PCYOX1L: variants seen among roughly 807,000 people sequenced by gnomAD.
PCYOX1L encodes the protein prenylcysteine oxidase 1-like.
PCYOX1L carries 40 observed loss-of-function variants against 44.1 expected under a neutral mutation model. The observed-to-expected ratio is 0.91, with a 90% CI of 0.70 to 1.18. The LOEUF is 1.18. Ranked by LOEUF, PCYOX1L falls within the 50% of genes most tolerant of loss-of-function variation. PCYOX1L has a pLI of 0.00. For synonymous variants in PCYOX1L, 266 were observed against 282.8 expected (o/e 0.94, Z 0.60); for missense variants, 605 against 653.3 (o/e 0.93, Z 0.81).
rs1218395908 is a variant in PCYOX1L at position 149,365,957 on chromosome 5, G to A, written c.486G>A (p.Gln162=). ...TGTCTTCTAGGATCTATAAGTACCA[G>A]GCCCACGGCTATGCCTTCTCGGGTG... ...MEKFMRIYKY[Q]AHGYAFSGVE... Residue 162 remains glutamine (Q), a synonymous_variant, in exon 4 of 6, where the codon CAG becomes CAA. Transcript: ENST00000274569. 1 of 1,614,090 alleles carries A rather than the reference G, an allele frequency of 6.2e-7. No homozygotes were observed. Among genetic ancestry groups the A allele is most frequent in the Non-Finnish European group, 8.5e-7 (1 of 1,180,042 alleles).
intron 2 of PCYOX1L, chr5:149,363,521 G>T: frequency 4.7e-6 from 1 of 214,366 alleles, no homozygotes. Context: ...AGTCAGAATG[G>T]GGAAGTCTTT....
At chr5:149,362,411 T>C (rs1758032657) in intron 1 of PCYOX1L, 1 of 550,628 alleles carries the variant, frequency 1.8e-6, no homozygotes, top group Admixed American at 3.1e-5. Context: ...AATACCTTTT[T>C]CTTTATGAAA....
At chr5:149,363,766 C>G in intron 2 of PCYOX1L, 1 of 442,100 alleles carries the variant, frequency 2.3e-6, no homozygotes, top group African/African-American at 2.0e-5. Context: ...CTGTCACCCC[C>G]TGGACATTCT....
At chr5:149,363,639 G>A in intron 2 of PCYOX1L, 1 of 240,768 alleles carries the variant, frequency 4.2e-6, no homozygotes, top group South Asian at 6.0e-5. Flanking sequence ...AGCTCTGTCT[G>A]TGTTTAGGAG....
At chr5:149,363,012 A>C (rs778943969) in intron 2 of PCYOX1L, 169 bp downstream of exon 2, 12 of 807,462 alleles carry the variant, frequency 1.5e-5, no homozygotes, top group Non-Finnish European at 2.5e-5. Flanking sequence ...GCCTGAGGTT[A>C]CACAGTGAGT....
intron 1 of PCYOX1L, among the ~76,000 whole-genome samples, chr5:149,359,197 G>C (rs1757939087): frequency 6.6e-6 from 1 of 152,146 alleles, no homozygotes; most frequent in Non-Finnish European, 1.5e-5. Context: ...TATTCCGCTA[G>C]GCCACTCTCC....
chr5:149,359,420 G>A (rs1331240823), intron 1 of PCYOX1L, among the ~76,000 whole-genome samples: 1 of 152,228 alleles, frequency 6.6e-6, no homozygotes, highest in East Asian at 1.9e-4. Flanking sequence ...AGCCAGAGAA[G>A]CCCTCATGGA....
intron 2 of PCYOX1L, 82 bp downstream of exon 2, chr5:149,362,925 C>T: frequency 6.9e-7 from 1 of 1,453,386 alleles, no homozygotes. Flanking sequence ...CTTCCCAGAC[C>T]ATCAAGGCCA....
In PCYOX1L at chr5:149,367,517, G is replaced by T; in HGVS notation, c.823+17G>T. Reference sequence around the variant, plus strand: ...ACAGCACAGGTGAGTAGACAGGGCGGGAGTGGGCAGGCATGCCATTCCCAG... The same window carrying T: ...ACAGCACAGGTGAGTAGACAGGGCGTGAGTGGGCAGGCATGCCATTCCCAG... On this transcript the variant is annotated intron_variant, in intron 5 of 5. Coordinates refer to ENST00000274569, the MANE Select transcript of PCYOX1L (RefSeq NM_024028.4). 1 of 1,610,428 alleles carries T rather than the reference G, an allele frequency of 6.2e-7. No homozygotes were observed.
chr5:149,367,872 T>A (rs1334365618), intron 5 of PCYOX1L, 121 bp from the exon 6 acceptor site: 1 of 1,098,642 alleles, frequency 9.1e-7, no homozygotes, highest in Non-Finnish European at 1.3e-6. Flanking sequence ...ACCCACCATT[T>A]AGACAGCCCT....
chr5:149,361,008 A>G (rs1246139801), intron 1 of PCYOX1L, among the ~76,000 whole-genome samples: 1 of 152,168 alleles, frequency 6.6e-6, no homozygotes, highest in Non-Finnish European at 1.5e-5. Flanking sequence ...GTCTGATGAG[A>G]AGAGAGTGGT....
Position 149,362,823 on chromosome 5 carries a change from A to T in PCYOX1L, c.275A>T (p.Gln92Leu), listed in dbSNP as rs1411028105. ...TTCCACTCCCTGAGCCTGCACATGCAGGACTTCGTCAAGCTGCTGGGTGAG... is the reference window on the plus strand; with the variant it reads ...TTCCACTCCCTGAGCCTGCACATGCTGGACTTCGTCAAGCTGCTGGGTGAG... The part of the protein sequence containing the change: ...ASFHSLSLHM[Q>L]DFVKLLGLRH... Residue 92 changes from glutamine (Q) to leucine (L), a missense_variant, in exon 2 of 6, where the codon CAG becomes CTG. Gln to Leu is a moderately radical substitution (Grantham distance 113). Transcript: ENST00000274569. The T allele has an allele frequency of 3.7e-6, 6 of 1,614,058 alleles. No individual in the cohort carries two copies. Among genetic ancestry groups the T allele is most frequent in the East Asian group, 2.2e-5 (1 of 44,892 alleles).
At chr5:149,364,299 G>A (rs1202257129) in intron 3 of PCYOX1L, 89 bp downstream of exon 3, 6 of 1,496,652 alleles carry the variant, frequency 4.0e-6, no homozygotes, top group Non-Finnish European at 5.4e-6. Context: ...TTGTGAAAAA[G>A]GAAAAGGTCC....
At chr5:149,364,889 G>C (rs999331095) in intron 3 of PCYOX1L, 4 of 152,422 alleles carry the variant, frequency 2.6e-5, no homozygotes, top group African/African-American at 4.8e-5. Flanking sequence ...CAAGTGGTCT[G>C]TTCCCTCCCT....
Position 149,368,641 on chromosome 5 carries a change from A to G in PCYOX1L, c.1472A>G (p.Lys491Arg), listed in dbSNP as rs1162496013. ...IDQKDLMHKVKTEL is the reference protein window; with the variant it reads ...IDQKDLMHKVRTEL Reference sequence around the variant, plus strand: ...CAAAAAGATTTGATGCACAAGGTCAAGACTGAACTGTGAGGGCTCTAGGGA... The same window carrying G: ...CAAAAAGATTTGATGCACAAGGTCAGGACTGAACTGTGAGGGCTCTAGGGA... Residue 491 changes from lysine (K) to arginine (R), a missense_variant, in exon 6 of 6, where the codon AAG becomes AGG. By Grantham distance (26) the Lys-to-Arg change is conservative. Coordinates refer to ENST00000274569, the MANE Select transcript of PCYOX1L (RefSeq NM_024028.4). 1.9e-5 allele frequency: 29 copies of G among 1,515,576 alleles called. No homozygotes were observed. Among genetic ancestry groups the G allele is most frequent in the Non-Finnish European group, 2.5e-5 (28 of 1,138,948 alleles). The allele number at this position is 1,515,576 out of a possible 1,614,324, so 93.9% of individuals were successfully genotyped here. A position where few individuals can be genotyped will look rare whatever the true frequency, so the allele number is the denominator to read the frequency against.
At chr5:149,364,455 A>C in intron 3 of PCYOX1L, 1 of 401,396 alleles carries the variant, frequency 2.5e-6, no homozygotes, top group Non-Finnish European at 4.5e-6. Context: ...GATACTAATA[A>C]AAGCATGGGT....
intron 3 of PCYOX1L, 62 bp from the exon 4 acceptor site, chr5:149,365,878 CAG>C: frequency 6.5e-7 from 1 of 1,536,254 alleles, no homozygotes; most frequent in South Asian, 1.1e-5. Flanking sequence ...CACTATAACC[CAG>C]GGGCAGGTGG....
Position 149,368,705 on chromosome 5 carries a change from T to C in PCYOX1L, c.*51T>C. ...TTCATCCCCCACTGAAGATGGATCATCCCACAGCAGCCCAGGACTGAATAA... is the reference window on the plus strand; with the variant it reads ...TTCATCCCCCACTGAAGATGGATCACCCCACAGCAGCCCAGGACTGAATAA... On this transcript the variant is annotated 3_prime_UTR_variant, in exon 6 of 6. Coordinates refer to ENST00000274569, the MANE Select transcript of PCYOX1L (RefSeq NM_024028.4). 1 of 1,479,498 alleles carries C rather than the reference T, an allele frequency of 6.8e-7. No homozygotes were observed. The highest frequency in any genetic ancestry group is 1.4e-5 in the South Asian group (1 of 73,542). 91.6% of individuals were successfully genotyped at this position (1,479,498 alleles called of 1,614,324 possible).
chr5:149,362,439 G>C (rs535851144), intron 1 of PCYOX1L, 198 bp from the exon 2 acceptor site: 351 of 596,484 alleles, frequency 5.9e-4, no homozygotes, highest in African/African-American at 5.4e-3. Context: ...ATAGTAGGCA[G>C]CAGTTTTCAG....
Sources: allele counts gnomAD v4.1 joint callset (sites outside exome capture counted in the v4.1 genomes callset), GRCh38; gene constraint gnomAD v4.1.1; transcripts MANE v1.5; gene names NCBI Gene and HGNC (gene_info 2026-07-23, HGNC 2026-07-21).